The following FBXW7 variants were observed in gnomAD, a reference collection of about 807,000 sequenced individuals.
FBXW7 encodes the protein F-box/WD repeat-containing protein 7.
In FBXW7, 11 loss-of-function variants were observed where a neutral mutation model predicts 86.3. The observed-to-expected ratio is 0.13, with a 90% CI of 0.08 to 0.21. FBXW7 has a LOEUF of 0.21. Among genes scored for constraint, FBXW7 ranks in the 10% least tolerant of loss-of-function variants. The pLI is 1.00. For synonymous variants in FBXW7, 313 were observed against 297.9 expected (o/e 1.05, Z -0.52); for missense variants, 488 against 847.4 (o/e 0.58, Z 5.27).
intron 2 of FBXW7, among the ~76,000 whole-genome samples, chr4:152,462,965 T>A (rs1244912875): frequency 1.3e-5 from 2 of 151,428 alleles, no homozygotes; most frequent in East Asian, 3.9e-4. Context: ...GAGTAATTTC[T>A]TGTCTGGTAT....
At chr4:152,329,218 A>G (rs1036030434) in intron 10 of FBXW7, 5 of 152,154 alleles carry the variant, frequency 3.3e-5, no homozygotes, top group African/African-American at 1.2e-4. Flanking sequence ...CAAGGGTTTG[A>G]GATAAGTATA....
intron 4 of FBXW7, among the ~76,000 whole-genome samples, chr4:152,397,562 G>A (rs1279504161): frequency 6.6e-6 from 1 of 151,596 alleles, no homozygotes; most frequent in Non-Finnish European, 1.5e-5. Flanking sequence ...AACACCTTTT[G>A]GGGAAGGCAT....
chr4:152,416,299 T>G (rs1387806141), intron 2 of FBXW7, among the ~76,000 whole-genome samples: 1 of 152,200 alleles, frequency 6.6e-6, no homozygotes, highest in Non-Finnish European at 1.5e-5. Flanking sequence ...AATACATTTT[T>G]TAAAGTTGTA....
At chr4:152,368,223 G>C (rs959994831) in intron 4 of FBXW7, among the ~76,000 whole-genome samples, 1 of 152,048 alleles carries the variant, frequency 6.6e-6, no homozygotes, top group Non-Finnish European at 1.5e-5. Context: ...CATACCAGCT[G>C]TATGGTAATG....
At chr4:152,353,103 C>T (rs1732018766) in intron 4 of FBXW7, 1 of 626,292 alleles carries the variant, frequency 1.6e-6, no homozygotes, top group Non-Finnish European at 2.1e-6. Flanking sequence ...TAGCAAGGAA[C>T]ATTTCCACAA....
chr4:152,452,366 G>A (rs916632628), intron 2 of FBXW7, among the ~76,000 whole-genome samples: 14 of 152,220 alleles, frequency 9.2e-5, no homozygotes, highest in Admixed American at 2.0e-4. Flanking sequence ...AAAATACAGC[G>A]TTGGTCATTA....
In FBXW7 at chr4:152,535,872, C is replaced by T; in HGVS notation, c.-958G>A. ...CGGCGTGTGCAGCCGCCGCTGCCGG[C>T]CGGGAAGGTGAGGGGGGGAAAGGAG... is the stretch of plus-strand genomic sequence containing the variant. On this transcript the variant is annotated 5_prime_UTR_variant, in exon 1 of 14. Coordinates refer to ENST00000281708, the MANE Select transcript of FBXW7 (RefSeq NM_001349798.2). The T allele has an allele frequency of 2.6e-6, 1 of 380,224 alleles. No individual in the cohort carries two copies. 23.6% of individuals were successfully genotyped at this position (380,224 alleles called of 1,614,324 possible).
At chr4:152,398,885 G>A (rs919956002) in intron 4 of FBXW7, among the ~76,000 whole-genome samples, 3 of 152,016 alleles carry the variant, frequency 2.0e-5, no homozygotes, top group Non-Finnish European at 4.4e-5. Context: ...TGTAACCACT[G>A]GCCAAATGTT....
chr4:152,391,610 G>A (rs763337242), intron 4 of FBXW7, among the ~76,000 whole-genome samples: 2 of 152,118 alleles, frequency 1.3e-5, no homozygotes, highest in Non-Finnish European at 2.9e-5. Context: ...CGTACGCATT[G>A]TTTCAGACTG....
At chr4:152,354,188 G>A (rs1319641444) in intron 4 of FBXW7, among the ~76,000 whole-genome samples, 1 of 151,932 alleles carries the variant, frequency 6.6e-6, no homozygotes, top group African/African-American at 2.4e-5. Flanking sequence ...TGTACATCTT[G>A]AGTCTTCTAG....
chr4:152,367,786 G>T (rs926571996), intron 4 of FBXW7, among the ~76,000 whole-genome samples: 1 of 151,946 alleles, frequency 6.6e-6, no homozygotes, highest in African/African-American at 2.4e-5. Flanking sequence ...TTTTCACAAA[G>T]CATCTACATT....
At chr4:152,506,331 C>T (rs1423163298) in intron 2 of FBXW7, among the ~76,000 whole-genome samples, 1 of 152,148 alleles carries the variant, frequency 6.6e-6, no homozygotes, top group Non-Finnish European at 1.5e-5. Context: ...CGGGGTTTCA[C>T]CGTGTTAGCC....
chr4:152,528,413 T>G (rs1286764060), intron 2 of FBXW7, among the ~76,000 whole-genome samples: 3 of 152,232 alleles, frequency 2.0e-5, no homozygotes, highest in Admixed American at 6.5e-5. Context: ...ACTACGTGCA[T>G]GGCAGGATAA....
At chr4:152,330,655 A>C in intron 9 of FBXW7, 77 bp downstream of exon 9, 1 of 1,308,406 alleles carries the variant, frequency 7.6e-7, no homozygotes, top group Non-Finnish European at 1.0e-6. Context: ...CATATTATAC[A>C]GTTTGCCAAG....
intron 2 of FBXW7, among the ~76,000 whole-genome samples, chr4:152,473,805 A>G (rs1472964625): frequency 6.6e-6 from 1 of 152,188 alleles, no homozygotes; most frequent in Non-Finnish European, 1.5e-5. Flanking sequence ...ATTTTCACCA[A>G]GAATAACTTG....
At chr4:152,385,884 G>A (rs944144296) in intron 4 of FBXW7, among the ~76,000 whole-genome samples, 1 of 151,912 alleles carries the variant, frequency 6.6e-6, no homozygotes, top group Admixed American at 6.6e-5. Flanking sequence ...TCAATGATTG[G>A]GCAAAGTGAG....
In FBXW7 at chr4:152,320,810, C is replaced by T. The variant is rs1423229126; in HGVS notation, c.*2071G>A. ...AACCAGTCTCAGCTGCAGATTTTTG[C>T]TCGTCTTTAAGATGGGAGATAATAG... On this transcript the variant is annotated 3_prime_UTR_variant, in exon 14 of 14. Coordinates refer to ENST00000281708, the MANE Select transcript of FBXW7 (RefSeq NM_001349798.2). The T allele has an allele frequency of 1.3e-5, 2 of 152,090 alleles. No individual in the cohort carries two copies. The highest frequency in any genetic ancestry group is 2.9e-5 in the Non-Finnish European group (2 of 68,008). 9.4% of individuals were successfully genotyped at this position (152,090 alleles called of 1,614,324 possible).
chr4:152,366,683 G>A (rs1336282150), intron 4 of FBXW7, among the ~76,000 whole-genome samples: 3 of 152,186 alleles, frequency 2.0e-5, no homozygotes, highest in Non-Finnish European at 2.9e-5. Flanking sequence ...TACACTGTTG[G>A]TGGGACTATA....
chr4:152,433,921 G>A (rs1355253875), intron 2 of FBXW7, among the ~76,000 whole-genome samples: 2 of 152,122 alleles, frequency 1.3e-5, no homozygotes, highest in Non-Finnish European at 1.5e-5. Context: ...GAAACTATAG[G>A]AAGTAACAGA....
Sources: allele counts gnomAD v4.1 joint callset (sites outside exome capture counted in the v4.1 genomes callset), GRCh38; gene constraint gnomAD v4.1.1; transcripts MANE v1.5; gene names NCBI Gene and HGNC (gene_info 2026-07-23, HGNC 2026-07-21).